Variants in RTL4 observed in about 807,000 individuals in gnomAD.
RTL4 encodes retrotransposon Gag like 4.
RTL4 carries 4 observed loss-of-function variants against 5.3 expected under a neutral mutation model. That is an observed-to-expected ratio of 0.75 (90% CI 0.37 to 1.72). RTL4 has a LOEUF of 1.72. RTL4 is among the 40% of genes most tolerant of loss of function. RTL4 has a pLI of 0.04. For synonymous variants in RTL4, 98 were observed against 87.3 expected (o/e 1.12, Z -0.68); for missense variants, 260 against 227.1 (o/e 1.14, Z -0.93).
chrX:112,383,512 GT>G, the RTL4 span, among the ~76,000 whole-genome samples: 740 of 111,961 alleles, frequency 6.6e-3, 4 homozygotes, highest in African/African-American at 0.022. Context: ...TAAATATGTA[GT>G]TTTTTATTAA....
the RTL4 span, among the ~76,000 whole-genome samples, chrX:112,204,189 G>A: frequency 8.9e-6 from 1 of 112,574 alleles, no homozygotes; most frequent in Admixed American, 9.4e-5. Context: ...TGCTAACAAG[G>A]ATGTGGAGAA....
chrX:112,293,734 T>A, the RTL4 span, among the ~76,000 whole-genome samples: 34 of 112,232 alleles, frequency 3.0e-4, no homozygotes, highest in African/African-American at 1.1e-3. Context: ...GTTGCATTGT[T>A]CATAAGACAT....
the RTL4 span, among the ~76,000 whole-genome samples, chrX:112,199,310 A>G: frequency 9.5e-6 from 1 of 105,368 alleles, no homozygotes; most frequent in Non-Finnish European, 1.9e-5. Context: ...AAAAAAAAAG[A>G]CCTGAGGCAG....
chrX:112,335,710 G>T, the RTL4 span, among the ~76,000 whole-genome samples: 1 of 109,904 alleles, frequency 9.1e-6, no homozygotes, highest in African/African-American at 3.3e-5. Context: ...AACTAAATTA[G>T]TTGAATCTTA....
chrX:112,121,494 T>C, the RTL4 span, among the ~76,000 whole-genome samples: 3 of 111,677 alleles, frequency 2.7e-5, no homozygotes, highest in Non-Finnish European at 3.8e-5. Flanking sequence ...AATCTCTCCA[T>C]AGGTAAAACA....
At chrX:112,235,994 G>A in the RTL4 span, among the ~76,000 whole-genome samples, 1 of 111,411 alleles carries the variant, frequency 9.0e-6, no homozygotes, top group African/African-American at 3.3e-5. Flanking sequence ...GGTACCAAAT[G>A]TTTCTGGCAA....
At chrX:112,279,959 C>T in the RTL4 span, among the ~76,000 whole-genome samples, 1 of 110,996 alleles carries the variant, frequency 9.0e-6, no homozygotes, top group Non-Finnish European at 1.9e-5. Context: ...TCAAAGGTTA[C>T]GATACTGCCA....
the RTL4 span, among the ~76,000 whole-genome samples, chrX:112,245,828 G>C: frequency 3.6e-4 from 41 of 112,422 alleles, no homozygotes; most frequent in Non-Finnish European, 3.9e-4. Flanking sequence ...CCCCATCTTT[G>C]TGGTTTTATC....
chrX:112,199,175 G>C, the RTL4 span, among the ~76,000 whole-genome samples: 1 of 109,178 alleles, frequency 9.2e-6, no homozygotes, highest in African/African-American at 3.3e-5. Flanking sequence ...TGTAGTCCCA[G>C]CTACTTGGGA....
chrX:112,284,698 A>G, the RTL4 span, among the ~76,000 whole-genome samples: 1 of 111,036 alleles, frequency 9.0e-6, no homozygotes, highest in Non-Finnish European at 1.9e-5. Flanking sequence ...TTAGGGCATG[A>G]CTCACAAGCA....
At chrX:112,382,201 A>G in the RTL4 span, 3,064 of 1,182,636 alleles carry the variant, frequency 2.6e-3, 3 homozygotes, top group Non-Finnish European at 3.2e-3. Flanking sequence ...CCAAGGCACC[A>G]AATCAAGGAT....
chrX:112,287,912 G>T, the RTL4 span, among the ~76,000 whole-genome samples: 1,489 of 111,941 alleles, frequency 0.013, 34 homozygotes, highest in African/African-American at 0.044. Context: ...CTCTGAAGAT[G>T]ATTTGACAAA....
At chrX:112,342,366 G>A in the RTL4 span, among the ~76,000 whole-genome samples, 3 of 111,394 alleles carry the variant, frequency 2.7e-5, no homozygotes, top group African/African-American at 6.5e-5. Context: ...GGAGTAGATC[G>A]TAGGCACTGG....
chrX:112,302,534 G>A, the RTL4 span, among the ~76,000 whole-genome samples: 1 of 112,149 alleles, frequency 8.9e-6, no homozygotes, highest in East Asian at 2.8e-4. Flanking sequence ...AATGTAAATT[G>A]TACTCATTAA....
At chrX:112,164,332 C>T in the RTL4 span, among the ~76,000 whole-genome samples, 5 of 112,199 alleles carry the variant, frequency 4.5e-5, no homozygotes, top group Non-Finnish European at 7.5e-5. Context: ...ATGGTAGTTT[C>T]GCCTTAGCTG....
the RTL4 span, among the ~76,000 whole-genome samples, chrX:112,410,641 G>A: frequency 4.5e-3 from 508 of 111,744 alleles, 3 homozygotes; most frequent in African/African-American, 0.016. Context: ...ACAGGTTGGT[G>A]TATGAAGAAA....
chrX:112,322,488 C>A, the RTL4 span, among the ~76,000 whole-genome samples: 1 of 110,909 alleles, frequency 9.0e-6, no homozygotes, highest in Non-Finnish European at 1.9e-5. Flanking sequence ...CAGAACAAAG[C>A]ACATTCACGT....
chrX:112,423,111 T>TGG, the RTL4 span, among the ~76,000 whole-genome samples: 53 of 107,705 alleles, frequency 4.9e-4, 1 homozygote, highest in Admixed American at 8.0e-4. Flanking sequence ...TCATTGTGTG[T>TGG]GGGGGGGGGA....
At chrX:112,155,544 C>A in the RTL4 span, among the ~76,000 whole-genome samples, 1 of 111,093 alleles carries the variant, frequency 9.0e-6, no homozygotes, top group African/African-American at 3.3e-5. Context: ...CATTCTTTCC[C>A]TTCCAGTGGC....
Sources: gnomAD v4.1 joint callset for allele counts (sites outside exome capture counted in the v4.1 genomes callset) on GRCh38, gnomAD v4.1.1 for gene constraint, MANE v1.5 for transcripts, NCBI Gene and HGNC (gene_info 2026-07-23, HGNC 2026-07-21) for gene names.